Variants in AKAP13 observed in about 807,000 individuals in gnomAD.
The protein encoded by AKAP13 is A-kinase anchoring protein 13.
In AKAP13, 80 loss-of-function variants were observed where a neutral mutation model predicts 264.5. The ratio of observed to expected loss-of-function variants is 0.30; its 90% CI spans 0.25 to 0.36. AKAP13 has a LOEUF of 0.36. AKAP13 is among the 10% of genes least tolerant of loss of function. The pLI, the probability that AKAP13 is intolerant of heterozygous loss-of-function variation, is 1.00. For synonymous variants in AKAP13, 1,380 were observed against 1,250.2 expected, an observed-to-expected ratio of 1.10 and a Z score of -2.19; for missense variants, 3,712 against 3,435.2, an observed-to-expected ratio of 1.08 and a Z score of -2.01.
At chr15:85,487,810 C>T (rs2075605384) in intron 2 of AKAP13, among the ~76,000 whole-genome samples, 1 of 151,058 alleles carries the variant, frequency 6.6e-6, no homozygotes, top group Admixed American at 6.6e-5. Flanking sequence ...TAGCTCACAG[C>T]ATCGTGGAAC....
chr15:85,397,691 CAG>C (rs2071187580), intron 1 of AKAP13, among the ~76,000 whole-genome samples: 1 of 152,098 alleles, frequency 6.6e-6, no homozygotes, highest in Admixed American at 6.5e-5. Flanking sequence ...AATTGAAGCT[CAG>C]AGAAATTAAT....
intron 6 of AKAP13, among the ~76,000 whole-genome samples, chr15:85,578,239 C>T (rs1294486345): frequency 2.0e-5 from 3 of 152,252 alleles, no homozygotes; most frequent in Non-Finnish European, 4.4e-5. Context: ...GCTGTGATCA[C>T]ACCACTGCAC....
chr15:85,590,212 C>G (rs748450126), intron 8 of AKAP13, among the ~76,000 whole-genome samples: 3 of 152,124 alleles, frequency 2.0e-5, no homozygotes, highest in Non-Finnish European at 4.4e-5. Flanking sequence ...GCTTTGCTAC[C>G]GGCTTCAAAA....
intron 2 of AKAP13, among the ~76,000 whole-genome samples, chr15:85,517,660 T>C: frequency 6.6e-6 from 1 of 152,144 alleles, no homozygotes. Flanking sequence ...TTAAAGTAAC[T>C]GTTTTATAAA....
intron 9 of AKAP13, among the ~76,000 whole-genome samples, chr15:85,642,979 C>T (rs1212857096): frequency 6.6e-6 from 1 of 151,140 alleles, no homozygotes; most frequent in East Asian, 1.9e-4. Flanking sequence ...TAGATCACAC[C>T]CACCAACTCC....
chr15:85,724,524 G>C lies in AKAP13; in HGVS notation c.6745+1204G>C, dbSNP rs1323536951. 3.3e-5 allele frequency among the ~76,000 whole-genome samples: 4 copies of C among 122,594 alleles called. No homozygotes were observed. Among genetic ancestry groups the C allele is most frequent in the African/African-American group, 6.2e-5 (2 of 32,052 alleles). The allele number at this position is 122,594 out of a possible 152,430, so 80.4% of individuals were successfully genotyped here. A position where few individuals can be genotyped will look rare whatever the true frequency, so the allele number is the denominator to read the frequency against. The stretch of plus-strand genomic sequence containing the variant: ...GGACACCCGGGACTCTCACGTGAGA[G>C]AGCAGAGTGAATGACAGGGGAGTGA... On this transcript the variant is annotated intron_variant, in intron 26 of 36. Coordinates refer to ENST00000394518, the MANE Select transcript of AKAP13 (RefSeq NM_007200.5). This position sits in a 1 kb window ranked among gnomAD's most constrained non-coding sequence, Gnocchi z 4.2.
chr15:85,384,049 C>T (rs1215448024), intron 1 of AKAP13, among the ~76,000 whole-genome samples: 3 of 152,204 alleles, frequency 2.0e-5, no homozygotes, highest in Admixed American at 6.5e-5. Flanking sequence ...TAGATACATT[C>T]TAGAAATATT....
intron 17 of AKAP13, among the ~76,000 whole-genome samples, chr15:85,698,120 C>T (rs1426088715): frequency 6.6e-6 from 1 of 152,112 alleles, no homozygotes; most frequent in African/African-American, 2.4e-5. Flanking sequence ...AATATCCATC[C>T]ATAAAATATA....
intron 1 of AKAP13, among the ~76,000 whole-genome samples, chr15:85,401,706 G>C (rs1363093727): frequency 3.3e-5 from 5 of 152,156 alleles, no homozygotes; most frequent in Non-Finnish European, 7.4e-5. Flanking sequence ...CATTTCAGAG[G>C]ATTCTTCCTT....
At chr15:85,544,035 A>T in intron 5 of AKAP13, 80 bp downstream of exon 5, 1 of 1,530,122 alleles carries the variant, frequency 6.5e-7, no homozygotes, top group South Asian at 1.1e-5. Flanking sequence ...CCCACTTGGC[A>T]TCTCATTGTG....
chr15:85,714,088 C>G (rs1038042134), intron 19 of AKAP13, among the ~76,000 whole-genome samples: 3 of 152,128 alleles, frequency 2.0e-5, no homozygotes, highest in Admixed American at 1.3e-4. Context: ...CTACTGTTGA[C>G]CAGAAGCCTT....
At position 85,455,354 on chromosome 15, in the gene AKAP13, T is replaced by G. The variant is rs543781323; in HGVS notation, c.-11-30356T>G. On this transcript the variant is annotated intron_variant, in intron 1 of 36. Coordinates refer to ENST00000394518, the MANE Select transcript of AKAP13 (RefSeq NM_007200.5). ...TATGAATTACTCATTTTGCTTTGTT[T>G]ACAGAACCATTATAGGGTTGAGGAT... Among the ~76,000 whole-genome samples the G allele has an allele frequency of 4.6e-5, 7 of 152,314 alleles. No homozygotes were observed. The South Asian group carries it at 1.5e-3, about 32-fold the overall frequency.
chr15:85,499,833 A>G lies in AKAP13; in HGVS notation c.33+14080A>G, dbSNP rs75115392. Among the ~76,000 whole-genome samples, 413 of 152,208 alleles carry G rather than the reference A, an allele frequency of 2.7e-3. 1 individual carries two copies. Among genetic ancestry groups the G allele is most frequent in the African/African-American group, 9.7e-3 (401 of 41,532 alleles). ...TGTAATAAGAGCTTGAGCACTTCAG[A>G]TGCACATTTGTATGCATGCCTTTTC... is the stretch of plus-strand genomic sequence containing the variant. On this transcript the variant is annotated intron_variant, in intron 2 of 36. Coordinates refer to ENST00000394518, the MANE Select transcript of AKAP13 (RefSeq NM_007200.5).
At chr15:85,737,059 T>C (rs76902341) in intron 33 of AKAP13, among the ~76,000 whole-genome samples, 26,977 of 151,790 alleles carry the variant, frequency 0.18, 2,666 homozygotes, top group Non-Finnish European at 0.22. Flanking sequence ...GCTGGAATTA[T>C]AGGCATACGC....
At chr15:85,471,116 A>G (rs1259932758) in intron 1 of AKAP13, among the ~76,000 whole-genome samples, 3 of 152,244 alleles carry the variant, frequency 2.0e-5, no homozygotes, top group South Asian at 2.1e-4. Flanking sequence ...AATAGTGACA[A>G]TTGGTGTTCA....
At chr15:85,465,711 T>C (rs10152430) in intron 1 of AKAP13, among the ~76,000 whole-genome samples, 79,735 of 149,208 alleles carry the variant, frequency 0.53, 22,060 homozygotes, top group Admixed American at 0.63. Context: ...CATAGTATTC[T>C]ATGGTGTATA....
chr15:85,710,520 C>G (rs893261663), intron 18 of AKAP13, 59 bp from the exon 19 acceptor site: 2 of 1,552,866 alleles, frequency 1.3e-6, no homozygotes, highest in Non-Finnish European at 1.8e-6. Flanking sequence ...CCTTCCTACT[C>G]GGCTTCTCAG....
chr15:85,627,932 G>A (rs573855265), intron 8 of AKAP13, among the ~76,000 whole-genome samples: 2 of 152,134 alleles, frequency 1.3e-5, no homozygotes, highest in African/African-American at 2.4e-5. Flanking sequence ...CAAGCATATT[G>A]TCCGCTTTTA....
chr15:85,585,521 G>A (rs569965891), intron 7 of AKAP13, among the ~76,000 whole-genome samples, 181 bp from the exon 8 acceptor site: 5 of 152,278 alleles, frequency 3.3e-5, no homozygotes, highest in Admixed American at 2.0e-4. Context: ...GTAACCATGC[G>A]ATAAAGGAAT....
Sources: allele counts gnomAD v4.1 joint callset (sites outside exome capture counted in the v4.1 genomes callset), GRCh38; gene constraint gnomAD v4.1.1; non-coding constraint Gnocchi (gnomAD v3.1); transcripts MANE v1.5; gene names NCBI Gene and HGNC (gene_info 2026-07-23, HGNC 2026-07-21).